Variants in NECTIN1 observed in about 807,000 individuals in gnomAD.
NECTIN1 encodes nectin cell adhesion molecule 1, also known as nectin-1.
A neutral mutation model predicts 48.0 loss-of-function variants in NECTIN1; 23 were observed. The ratio of observed to expected loss-of-function variants is 0.48; its 90% confidence interval spans 0.34 to 0.68. The LOEUF (loss-of-function observed/expected upper bound fraction) is 0.68. NECTIN1 is among the 30% of genes least tolerant of loss of function. The pLI is 0.01. For synonymous variants in NECTIN1, 270 were observed against 288.9 expected (o/e 0.93, Z 0.66); for missense variants, 591 against 709.9 (o/e 0.83, Z 1.90).
At chr11:119,694,216 G>C (rs1320669509) in intron 1 of NECTIN1, among the ~76,000 whole-genome samples, 1 of 152,172 alleles carries the variant, frequency 6.6e-6, no homozygotes, top group Non-Finnish European at 1.5e-5. Context: ...GGGAATCAGG[G>C]GAAGCAGGAG....
downstream of NECTIN1, among the ~76,000 whole-genome samples, chr11:119,660,597 G>A (rs1174104778): frequency 6.6e-6 from 1 of 152,168 alleles, no homozygotes; most frequent in African/African-American, 2.4e-5. Flanking sequence ...AGGACAGCAG[G>A]AGTGGGTGAT....
chr11:119,664,404 T>G lies in NECTIN1; in HGVS notation c.*343A>C. 9.2e-7 allele frequency: 1 copy of G among 1,089,722 alleles called. No individual in the cohort carries two copies. Among genetic ancestry groups the G allele is most frequent in the South Asian group, 3.8e-5 (1 of 26,412 alleles). 67.5% of individuals were successfully genotyped at this position (1,089,722 alleles called of 1,614,324 possible). A position where few individuals can be genotyped will look rare whatever the true frequency, so the allele number is the denominator to read the frequency against. ...TCCAGTGTAGGGGGGCGGGGGAGGC[T>G]GGCTCCCCAAACCCTGGAGGGATGC... is the stretch of plus-strand genomic sequence containing the variant. On this transcript the variant is annotated 3_prime_UTR_variant, in exon 6 of 6. Transcript: ENST00000264025.
chr11:119,686,937 G>A (rs566459672), intron 1 of NECTIN1, among the ~76,000 whole-genome samples: 1 of 152,274 alleles, frequency 6.6e-6, no homozygotes, highest in Admixed American at 6.5e-5. Flanking sequence ...GGGCCCAAGT[G>A]GCAGGTGGAA....
At chr11:119,714,029 G>T (rs1228311870) in intron 1 of NECTIN1, 1 of 344,974 alleles carries the variant, frequency 2.9e-6, no homozygotes, top group Admixed American at 3.8e-5. Context: ...AGGCTTCTGA[G>T]TTGCTCTGAG....
chr11:119,647,456 C>A (rs535298294), intron 5 of NECTIN1, among the ~76,000 whole-genome samples: 6 of 152,080 alleles, frequency 3.9e-5, no homozygotes, highest in African/African-American at 1.4e-4. Flanking sequence ...CACGCACATT[C>A]CTGAGGGGAG....
Position 119,661,037 on chromosome 11 carries a change from C to T in NECTIN1, c.*3710G>A. ...TATAAAAAAGTACATTTTTAATCCTCAGTACATTTTCAACCCATCATTTTT... is the reference window on the plus strand; with the variant it reads ...TATAAAAAAGTACATTTTTAATCCTTAGTACATTTTCAACCCATCATTTTT... On this transcript the variant is annotated 3_prime_UTR_variant, in exon 6 of 6. Coordinates refer to ENST00000264025, the MANE Select transcript of NECTIN1 (RefSeq NM_002855.5). 2.0e-6 allele frequency: 2 copies of T among 981,096 alleles called. No homozygotes were observed. The highest frequency in any genetic ancestry group is 2.4e-6 in the Non-Finnish European group (2 of 825,690). 60.8% of individuals were successfully genotyped at this position (981,096 alleles called of 1,614,324 possible).
At chr11:119,713,847 G>A (rs1436200752) in intron 1 of NECTIN1, 2 of 455,978 alleles carry the variant, frequency 4.4e-6, no homozygotes, top group Middle Eastern at 3.4e-4. Flanking sequence ...ACTGTTTGGG[G>A]CTACAGTCCT....
At position 119,662,077 on chromosome 11, in the gene NECTIN1, A is replaced by G. The variant is rs1365107928; in HGVS notation, c.*2670T>C. On this transcript the variant is annotated 3_prime_UTR_variant, in exon 6 of 6. Coordinates refer to ENST00000264025, the MANE Select transcript of NECTIN1 (RefSeq NM_002855.5). This position sits in a 1 kb window ranked among gnomAD's most constrained non-coding sequence, Gnocchi z 5.3. Reference sequence around the variant, plus strand: ...TGGGTGTGGGGTGGGGGGCAAGGACAGGGAGGGCAACAAGAGGCAGGATGA... The same window carrying G: ...TGGGTGTGGGGTGGGGGGCAAGGACGGGGAGGGCAACAAGAGGCAGGATGA... 3 of 985,400 alleles carry G rather than the reference A, an allele frequency of 3.0e-6. No homozygotes were observed. Among genetic ancestry groups the G allele is most frequent in the South Asian group, 9.4e-5 (2 of 21,292 alleles). 61.0% of individuals were successfully genotyped at this position (985,400 alleles called of 1,614,324 possible).
chr11:119,719,923 CT>C (rs1379466747), intron 1 of NECTIN1, among the ~76,000 whole-genome samples: 15 of 152,052 alleles, frequency 9.9e-5, no homozygotes, highest in African/African-American at 3.6e-4. Flanking sequence ...TGGCTCTTGA[CT>C]TCAGTATTCA....
intron 5 of NECTIN1, chr11:119,643,009 C>T (rs1053287878): frequency 2.0e-5 from 3 of 153,712 alleles, no homozygotes; most frequent in African/African-American, 4.8e-5. Context: ...TGAATGCACT[C>T]GTGTGGGCAT....
Position 119,668,203 on chromosome 11 carries a change from C to A in NECTIN1, c.1004-2906G>T, listed in dbSNP as rs548307325. Among the ~76,000 whole-genome samples the A allele has an allele frequency of 4.6e-5, 7 of 152,314 alleles. No individual in the cohort carries two copies. The East Asian group carries it at 1.3e-3, about 29-fold the overall frequency. ...CCTGGTTTGCCATCTTCCTTCTAAA[C>A]CCTCTCCATTCGATACAACTTCCTG... On this transcript the variant is annotated intron_variant, in intron 5 of 5. Transcript: ENST00000264025.
Position 119,663,567 on chromosome 11 carries a change from C to A in NECTIN1, c.*1180G>T. 3.0e-6 allele frequency: 3 copies of A among 985,558 alleles called. No homozygotes were observed. The highest frequency in any genetic ancestry group is 3.6e-6 in the Non-Finnish European group (3 of 829,950). 61.1% of individuals were successfully genotyped at this position (985,558 alleles called of 1,614,324 possible). On this transcript the variant is annotated 3_prime_UTR_variant, in exon 6 of 6. Transcript: ENST00000264025. ...GCATTGTATGGACTCCTCAGTCCCT[C>A]GGACTGTGTTTGCAGAGCTTCTGCC...
Position 119,673,283 on chromosome 11 carries a change from C to T in NECTIN1, c.1003+1876G>A, listed in dbSNP as rs538725676. ...TCTGGAGGGGGCTGAGAGTCCCTTC[C>T]GAGAGAGGCCAGCCGCTCAGCGCCT... is the stretch of plus-strand genomic sequence containing the variant. On this transcript the variant is annotated intron_variant, in intron 5 of 5. Transcript: ENST00000264025. This position sits in a 1 kb window ranked among gnomAD's most constrained non-coding sequence, Gnocchi z 5.8. 3.9e-5 allele frequency among the ~76,000 whole-genome samples: 6 copies of T among 152,274 alleles called. No individual in the cohort carries two copies. The highest frequency in any genetic ancestry group is 2.1e-4 in the South Asian group (1 of 4,822).
At chr11:119,716,217 A>G (rs1266832274) in intron 1 of NECTIN1, among the ~76,000 whole-genome samples, 4 of 151,972 alleles carry the variant, frequency 2.6e-5, no homozygotes, top group African/African-American at 9.7e-5. Flanking sequence ...CACCCTGGAG[A>G]AGTCACAGGA....
In NECTIN1 at chr11:119,661,496, TG is replaced by T. The variant is rs1319932639; in HGVS notation, c.*3250del. Reference sequence around the variant, plus strand: ...AGGGTTTCTGTTGGCAGTCAGGCTTTGGGGGTCTCTGTCTGGACTCCTGAGG... The same window carrying T: ...AGGGTTTCTGTTGGCAGTCAGGCTTTGGGGTCTCTGTCTGGACTCCTGAGG... On this transcript the variant is annotated 3_prime_UTR_variant, in exon 6 of 6. Coordinates refer to ENST00000264025, the MANE Select transcript of NECTIN1 (RefSeq NM_002855.5). The T allele has an allele frequency of 2.0e-6, 2 of 985,816 alleles. No individual in the cohort carries two copies. Among genetic ancestry groups the T allele is most frequent in the Non-Finnish European group, 2.4e-6 (2 of 830,038 alleles). The allele number at this position is 985,816 out of a possible 1,614,324, so 61.1% of individuals were successfully genotyped here.
chr11:119,686,964 G>A (rs1253908717), intron 1 of NECTIN1, among the ~76,000 whole-genome samples: 1 of 152,188 alleles, frequency 6.6e-6, no homozygotes, highest in Non-Finnish European at 1.5e-5. Flanking sequence ...GTGAGCAGCT[G>A]GGGGCCTGAG....
At chr11:119,680,005 T>G (rs968908948) in intron 1 of NECTIN1, among the ~76,000 whole-genome samples, 1 of 152,222 alleles carries the variant, frequency 6.6e-6, no homozygotes, top group Non-Finnish European at 1.5e-5. Flanking sequence ...GGTCTGTCCT[T>G]TCCATCTCTG....
Position 119,662,749 on chromosome 11 carries a change from A to T in NECTIN1, c.*1998T>A, listed in dbSNP as rs1017359394. ...CTGGGGGACACTAATACTGCTGGGA[A>T]AAGCAGCCCAGCTCCTCCACCTCCC... On this transcript the variant is annotated 3_prime_UTR_variant, in exon 6 of 6. Coordinates refer to ENST00000264025, the MANE Select transcript of NECTIN1 (RefSeq NM_002855.5). This position sits in a 1 kb window ranked among gnomAD's most constrained non-coding sequence, Gnocchi z 5.3. 8.1e-6 allele frequency: 8 copies of T among 986,084 alleles called. No individual in the cohort carries two copies. In the African/African-American group the frequency reaches 1.2e-4, roughly 15 times the overall value. The allele number at this position is 986,084 out of a possible 1,614,324, so 61.1% of individuals were successfully genotyped here.
chr11:119,659,387 A>G (rs1379554878), downstream of NECTIN1: 1 of 152,258 alleles, frequency 6.6e-6, no homozygotes, highest in Non-Finnish European at 1.5e-5. Context: ...TCCTGGGCCC[A>G]CCAGCCAAGA....
Sources: gnomAD v4.1 joint callset for allele counts (sites outside exome capture counted in the v4.1 genomes callset) on GRCh38, gnomAD v4.1.1 for gene constraint, Gnocchi (gnomAD v3.1) non-coding constraint, MANE v1.5 for transcripts, NCBI Gene and HGNC (gene_info 2026-07-23, HGNC 2026-07-21) for gene names.